Variants in RLN1 observed in about 807,000 individuals in gnomAD.
The protein encoded by RLN1 is relaxin 1.
RLN1 carries 4 observed loss-of-function variants against 7.2 expected under a neutral mutation model. The observed-to-expected ratio is 0.56, with a 90% CI of 0.28 to 1.28. The LOEUF is 1.28. Ranked by LOEUF, RLN1 falls within the 50% of genes most tolerant of loss-of-function variation. The pLI is 0.11. For missense variants in RLN1, 293 were observed against 221.1 expected (o/e 1.32, Z -2.06); for synonymous variants, 105 against 86.0 (o/e 1.22, Z -1.22).
In RLN1 at chr9:5,335,575, G is replaced by A. The variant is rs2131029977; in HGVS notation, c.234C>T (p.Asn78=). 4 of 1,608,042 alleles carry A rather than the reference G, an allele frequency of 2.5e-6. No individual in the cohort carries two copies. Among genetic ancestry groups the A allele is most frequent in the African/African-American group, 1.3e-5 (1 of 74,646 alleles). The change falls in exon 2 of 2, where the codon AAC becomes AAT. Residue 78 remains asparagine, a synonymous_variant. Coordinates refer to ENST00000223862, the MANE Select transcript of RLN1 (RefSeq NM_006911.4). ...TGATAATTATAGTTTCTGTATCTTT[G>A]TTGATGAAGGATGGTACAATTTCTG... is the stretch of plus-strand genomic sequence containing the variant. ...PVAEIVPSFI[N]KDTETIIIML...
intron 1 of RLN1, among the ~76,000 whole-genome samples, chr9:5,336,242 T>G (rs1255941472): frequency 6.6e-6 from 1 of 152,020 alleles, no homozygotes; most frequent in African/African-American, 2.4e-5. Flanking sequence ...AAGAGAGAAG[T>G]GGGTTAAAAG....
At position 5,335,447 on chromosome 9, in the gene RLN1, T is replaced by G; in HGVS notation, c.362A>C (p.Asp121Ala). 1 of 1,613,770 alleles carries G rather than the reference T, an allele frequency of 6.2e-7. No homozygotes were observed. Among genetic ancestry groups the G allele is most frequent in the South Asian group, 1.1e-5 (1 of 91,040 alleles). ...AAATTCTTCAAAGCTAAGATTGGAA[T>G]CCTTTAATGCAGGTACATACTGCTG... ...ELQQYVPALK[D>A]SNLSFEEFKK... is the part of the protein sequence containing the mutation. The change falls in exon 2 of 2, where the codon GAT (aspartate) becomes GCT (alanine). Residue 121 changes from aspartate (D) to alanine (A), a missense_variant. Coordinates refer to ENST00000223862, the MANE Select transcript of RLN1 (RefSeq NM_006911.4).
At chr9:5,340,686 G>C (rs1371876944), upstream of RLN1, among the ~76,000 whole-genome samples, 2 of 152,132 alleles carry the variant, frequency 1.3e-5, no homozygotes, top group Admixed American at 6.5e-5. Context: ...CTGGTTAGAG[G>C]TGATTCTTTT....
chr9:5,338,005 G>T (rs1181603604), intron 1 of RLN1, among the ~76,000 whole-genome samples: 1 of 151,250 alleles, frequency 6.6e-6, no homozygotes, highest in African/African-American at 2.4e-5. Context: ...AAAGTATAAT[G>T]GTGAGTGAAA....
At chr9:5,336,941 C>T (rs1361878233) in intron 1 of RLN1, among the ~76,000 whole-genome samples, 2 of 151,874 alleles carry the variant, frequency 1.3e-5, no homozygotes, top group African/African-American at 2.4e-5. Flanking sequence ...CAGTTGTTCT[C>T]CTTTTACCAA....
intron 1 of RLN1, among the ~76,000 whole-genome samples, chr9:5,338,070 CTTGT>C (rs1183341695): frequency 2.0e-5 from 3 of 147,802 alleles, no homozygotes; most frequent in Non-Finnish European, 3.0e-5. Flanking sequence ...TTTCCACTTA[CTTGT>C]TTAATATAAT....
chr9:5,336,754 A>G (rs899638007), intron 1 of RLN1, among the ~76,000 whole-genome samples: 1 of 151,978 alleles, frequency 6.6e-6, no homozygotes, highest in Non-Finnish European at 1.5e-5. Context: ...ACTATCCAAT[A>G]CCAAGGCATT....
chr9:5,338,024 G>C (rs917712007), intron 1 of RLN1, among the ~76,000 whole-genome samples: 14 of 147,226 alleles, frequency 9.5e-5, no homozygotes, highest in African/African-American at 2.7e-4. Flanking sequence ...AAATGCAAAA[G>C]ATATATACAT....
intron 1 of RLN1, 148 bp from the exon 2 acceptor site, chr9:5,335,745 A>C (rs1816876866): frequency 1.6e-6 from 1 of 618,138 alleles, no homozygotes; most frequent in East Asian, 2.7e-5. Flanking sequence ...CCTAATATCT[A>C]AACACTTAGC....
chr9:5,335,726 C>T, intron 1 of RLN1, 129 bp from the exon 2 acceptor site: 3 of 631,706 alleles, frequency 4.7e-6, no homozygotes, highest in Non-Finnish European at 8.1e-6. Context: ...CATTGAAACA[C>T]AAAAGCATCC....
At position 5,339,799 on chromosome 9, in the gene RLN1, G is replaced by A. The variant is rs2273784; in HGVS notation, c.-53C>T. The A allele has an allele frequency of 0.042, 66,437 of 1,571,008 alleles. 2,986 individuals are homozygous for A. The highest frequency in any genetic ancestry group is 0.22 in the African/African-American group (16,025 of 72,934). On this transcript the variant is annotated 5_prime_UTR_variant, in exon 1 of 2. Coordinates refer to ENST00000223862, the MANE Select transcript of RLN1 (RefSeq NM_006911.4). ...GGGTGTTGCAGCCTTTCAGGACTGC[G>A]GCTGCTGTGGCCTACACACCTGGGC...
At chr9:5,337,781 A>T (rs1358353871) in intron 1 of RLN1, among the ~76,000 whole-genome samples, 1 of 152,048 alleles carries the variant, frequency 6.6e-6, no homozygotes, top group Admixed American at 6.6e-5. Context: ...AAAATTCTTT[A>T]AAAATACTTT....
At chr9:5,338,073 G>GT (rs1816935270) in intron 1 of RLN1, among the ~76,000 whole-genome samples, 2 of 146,318 alleles carry the variant, frequency 1.4e-5, no homozygotes, top group African/African-American at 5.1e-5. Flanking sequence ...CCACTTACTT[G>GT]TTTAATATAA....
Position 5,339,661 on chromosome 9 carries a change from T to C in RLN1, c.86A>G (p.Asp29Gly). Residue 29 changes from aspartate to glycine, a missense_variant, in exon 1 of 2, where the codon GAC becomes GGC. Transcript: ENST00000223862. Reference protein sequence around the residue: ...FSRAVAAKWKDDVIKLCGREL... With the variant: ...FSRAVAAKWKGDVIKLCGREL... ...GCGGCCGCATAATTTAATAACATCG[T>C]CCTTCCATTTGGCCGCGACTGCTCT... 1 of 1,612,948 alleles carries C rather than the reference T, an allele frequency of 6.2e-7. No homozygotes were observed. Among genetic ancestry groups the C allele is most frequent in the East Asian group, 2.2e-5 (1 of 44,876 alleles).
chr9:5,335,386 T>G lies in RLN1; in HGVS notation c.423A>C (p.Ala141=), dbSNP rs1462111842. ...KLIRNRQSEA[A]DSNPSELKYL... ...ATTTTAATTCTGAAGGATTGCTGTC[T>G]GCGGCTTCACTTTGCCTATTGCGAA... The change falls in exon 2 of 2, where the codon GCA becomes GCC. Residue 141 remains alanine, a synonymous_variant. Transcript: ENST00000223862. The G allele has an allele frequency of 3.1e-6, 5 of 1,613,570 alleles. No individual in the cohort carries two copies. In the Admixed American group the frequency reaches 8.3e-5, roughly 27 times the overall value.
upstream of RLN1, among the ~76,000 whole-genome samples, chr9:5,340,574 A>G (rs1816971461): frequency 6.6e-6 from 1 of 152,234 alleles, no homozygotes; most frequent in Non-Finnish European, 1.5e-5. Context: ...AGAAGGGGAA[A>G]AAAAGCAGTG....
At chr9:5,335,743 C>G in intron 1 of RLN1, 146 bp from the exon 2 acceptor site, 1 of 618,500 alleles carries the variant, frequency 1.6e-6, no homozygotes, top group Non-Finnish European at 2.8e-6. Flanking sequence ...ATCCTAATAT[C>G]TAAACACTTA....
upstream of RLN1, among the ~76,000 whole-genome samples, chr9:5,340,814 AACTT>A (rs1476135743): frequency 9.2e-5 from 14 of 152,238 alleles, no homozygotes; most frequent in African/African-American, 3.4e-4. Flanking sequence ...TTTTAAAAAT[AACTT>A]ACTTGCTTGT....
In RLN1 at chr9:5,335,521, C is replaced by A; in HGVS notation, c.288G>T (p.Pro96=). 2.4e-5 allele frequency: 38 copies of A among 1,612,968 alleles called. No homozygotes were observed. The highest frequency in any genetic ancestry group is 3.1e-5 in the Non-Finnish European group (37 of 1,179,352). Residue 96 remains proline (P), a synonymous_variant, in exon 2 of 2, where the codon CCG becomes CCT. Transcript: ENST00000223862. ...TCTCAGATAGGGCTGCCTTCAGCTC[C>A]GGTGGCAAATTAGCAATGAATTCCA... is the stretch of plus-strand genomic sequence containing the variant. The part of the protein sequence containing the change: ...IMLEFIANLP[P]ELKAALSERQ...
Sources: gnomAD v4.1 joint callset for allele counts (sites outside exome capture counted in the v4.1 genomes callset) on GRCh38, gnomAD v4.1.1 for gene constraint, MANE v1.5 for transcripts, NCBI Gene and HGNC (gene_info 2026-07-23, HGNC 2026-07-21) for gene names.